TEAD1: variants seen among roughly 807,000 people sequenced by gnomAD.
TEAD1 encodes transcriptional enhancer factor TEF-1.
TEAD1 carries 9 observed loss-of-function variants against 54.9 expected under a neutral mutation model. The observed-to-expected ratio is 0.16, with a 90% confidence interval of 0.10 to 0.29. The LOEUF (loss-of-function observed/expected upper bound fraction) is 0.29, where lower values mean the gene tolerates loss of function less well. TEAD1 is among the 10% of genes least tolerant of loss of function. The pLI is 1.00. For synonymous variants in TEAD1, 200 were observed against 187.8 expected (o/e 1.07, Z -0.53); for missense variants, 387 against 535.9 (o/e 0.72, Z 2.74).
At position 12,893,245 on chromosome 11, in the gene TEAD1, A is replaced by T. The variant is rs369490582; in HGVS notation, c.700-8695A>T. On this transcript the variant is annotated intron_variant, in intron 9 of 12. Coordinates refer to ENST00000527636, the MANE Select transcript of TEAD1 (RefSeq NM_021961.6). ...CTTGAATGTCTCTCAGGTTTTTCTCATGTTTTTCCAAGCCTGGTCTTCCAG... is the reference window on the plus strand; with the variant it reads ...CTTGAATGTCTCTCAGGTTTTTCTCTTGTTTTTCCAAGCCTGGTCTTCCAG... Among the ~76,000 whole-genome samples, 4 of 152,142 alleles carry T rather than the reference A, an allele frequency of 2.6e-5. No homozygotes were observed. The East Asian group carries it at 7.8e-4, about 29-fold the overall frequency.
At chr11:12,841,520 G>A (rs1947041281) in intron 3 of TEAD1, among the ~76,000 whole-genome samples, 1 of 152,210 alleles carries the variant, frequency 6.6e-6, no homozygotes, top group African/African-American at 2.4e-5. Context: ...GGAGGGGTTG[G>A]TTTAGAATTC....
At chr11:12,838,322 A>G (rs1160710686) in intron 3 of TEAD1, among the ~76,000 whole-genome samples, 3 of 152,220 alleles carry the variant, frequency 2.0e-5, no homozygotes, top group African/African-American at 7.2e-5. Context: ...ACGATGCTAC[A>G]TGGCCTCCAA....
intron 9 of TEAD1, among the ~76,000 whole-genome samples, chr11:12,889,659 A>G (rs987524722): frequency 5.3e-5 from 8 of 152,240 alleles, no homozygotes; most frequent in Admixed American, 2.6e-4. Context: ...ATGATACAGT[A>G]GAGGAACAAA....
At chr11:12,824,112 C>G (rs1029445786) in intron 3 of TEAD1, among the ~76,000 whole-genome samples, 2 of 152,168 alleles carry the variant, frequency 1.3e-5, no homozygotes, top group African/African-American at 4.8e-5. Context: ...TTTTAAATCC[C>G]TTGAGGAAGT....
intron 2 of TEAD1, among the ~76,000 whole-genome samples, chr11:12,681,651 G>C (rs1943224138): frequency 6.6e-6 from 1 of 152,234 alleles, no homozygotes; most frequent in African/African-American, 2.4e-5. Flanking sequence ...AAGTCTGATG[G>C]TGTGCATGAC....
intron 5 of TEAD1, chr11:12,865,477 T>A (rs540544947): frequency 2.6e-5 from 4 of 154,444 alleles, no homozygotes; most frequent in Non-Finnish European, 5.8e-5. Flanking sequence ...CTTACTACTG[T>A]TTTTTAAGTG....
At chr11:12,746,868 G>A (rs1944755975) in intron 2 of TEAD1, among the ~76,000 whole-genome samples, 1 of 152,256 alleles carries the variant, frequency 6.6e-6, no homozygotes, top group African/African-American at 2.4e-5. Flanking sequence ...CTGTGGGCAG[G>A]CTGCAGCAGG....
At chr11:12,831,204 T>G (rs962409072) in intron 3 of TEAD1, among the ~76,000 whole-genome samples, 13 of 152,124 alleles carry the variant, frequency 8.5e-5, no homozygotes, top group Admixed American at 5.2e-4. Flanking sequence ...TCCTTCTAAC[T>G]CTCCCCAGCC....
chr11:12,764,244 C>T lies in TEAD1; in HGVS notation c.12C>T (p.Ser4=). The change falls in exon 3 of 13, where the codon AGC becomes AGT. Residue 4 remains serine, a synonymous_variant. Transcript: ENST00000527636. ...ATCCCACCGCCAAAATTGAGCCCAG[C>T]AGCTGGAGCGGCAGTGAGAGCCCTG... 6.2e-7 allele frequency: 1 copy of T among 1,613,888 alleles called. No individual in the cohort carries two copies. Among genetic ancestry groups the T allele is most frequent in the Non-Finnish European group, 8.5e-7 (1 of 1,179,962 alleles).
chr11:12,737,069 A>G (rs1207148151), intron 2 of TEAD1, among the ~76,000 whole-genome samples: 2 of 152,170 alleles, frequency 1.3e-5, no homozygotes, highest in Non-Finnish European at 2.9e-5. Context: ...CAGGTGAATG[A>G]AGTAGAAATA....
chr11:12,786,710 A>G (rs1945684383), intron 3 of TEAD1, among the ~76,000 whole-genome samples: 1 of 152,202 alleles, frequency 6.6e-6, no homozygotes. Context: ...GCAGTGAGCA[A>G]CAACAGACAA....
At chr11:12,937,050 C>G (rs1031535203) in intron 12 of TEAD1, 59 bp from the exon 13 acceptor site, 7 of 1,193,546 alleles carry the variant, frequency 5.9e-6, no homozygotes, top group African/African-American at 4.6e-5. Flanking sequence ...AGTCGTCATA[C>G]ACAGATGGAA....
At chr11:12,822,204 C>T (rs935211950) in intron 3 of TEAD1, among the ~76,000 whole-genome samples, 4 of 151,974 alleles carry the variant, frequency 2.6e-5, no homozygotes, top group Admixed American at 6.5e-5. Flanking sequence ...ACCCATTATC[C>T]GCCCGCCTCG....
chr11:12,891,903 C>A (rs1948205709), intron 9 of TEAD1, among the ~76,000 whole-genome samples: 1 of 152,118 alleles, frequency 6.6e-6, no homozygotes, highest in Non-Finnish European at 1.5e-5. Context: ...GCCCCTCAGC[C>A]AGAAGGAAGG....
chr11:12,891,878 G>A (rs545771966), intron 9 of TEAD1, among the ~76,000 whole-genome samples: 73 of 152,268 alleles, frequency 4.8e-4, no homozygotes, highest in African/African-American at 1.6e-3. Context: ...GGGTCACCTG[G>A]GCTTGGTGAT....
chr11:12,893,455 GTT>G (rs1286919197), intron 9 of TEAD1, among the ~76,000 whole-genome samples: 3 of 152,140 alleles, frequency 2.0e-5, no homozygotes, highest in African/African-American at 7.2e-5. Flanking sequence ...CACTTCCCCT[GTT>G]TCTTCATTAC....
intron 2 of TEAD1, among the ~76,000 whole-genome samples, chr11:12,718,538 A>T (rs1461390669): frequency 6.6e-6 from 1 of 150,382 alleles, no homozygotes; most frequent in Non-Finnish European, 1.5e-5. Flanking sequence ...AACAATATTC[A>T]CAGAATCCTG....
chr11:12,739,198 T>TTCTTTCTA (rs1554927172), intron 2 of TEAD1, among the ~76,000 whole-genome samples: 11 of 146,858 alleles, frequency 7.5e-5, no homozygotes, highest in East Asian at 2.0e-4. Context: ...GTCTCATTCT[T>TTCTTTCTA]TCTATCTATC....
At chr11:12,824,120 A>G (rs1036279838) in intron 3 of TEAD1, among the ~76,000 whole-genome samples, 3 of 152,212 alleles carry the variant, frequency 2.0e-5, no homozygotes, top group Admixed American at 6.5e-5. Context: ...CCCTTGAGGA[A>G]GTCATTTTTC....
Sources: gnomAD v4.1 joint callset for allele counts (sites outside exome capture counted in the v4.1 genomes callset) on GRCh38, gnomAD v4.1.1 for gene constraint, MANE v1.5 for transcripts, NCBI Gene and HGNC (gene_info 2026-07-23, HGNC 2026-07-21) for gene names.